TMEM132B: variants seen among roughly 807,000 people sequenced by gnomAD.
TMEM132B encodes transmembrane protein 132B.
TMEM132B carries 18 observed loss-of-function variants against 90.8 expected under a neutral mutation model. The ratio of observed to expected loss-of-function variants is 0.20; its 90% CI spans 0.14 to 0.29. The LOEUF (loss-of-function observed/expected upper bound fraction) is 0.29. Ranked by LOEUF, TMEM132B falls within the 10% of genes least tolerant of loss-of-function variation. The probability of loss-of-function intolerance (pLI) is 1.00; values close to 1 mark genes in which losing one functional copy is unlikely to be tolerated. For synonymous variants in TMEM132B, 504 were observed against 523.3 expected (o/e 0.96, Z 0.50); for missense variants, 1,096 against 1,326.8 (o/e 0.83, Z 2.70).
chr12:125,226,449 A>G (rs1034738337), intron 1 of TMEM132B, among the ~76,000 whole-genome samples: 15 of 152,228 alleles, frequency 9.9e-5, no homozygotes, highest in African/African-American at 2.9e-4. Context: ...TCACACAGCA[A>G]TCCTTCTGAG....
intron 1 of TMEM132B, among the ~76,000 whole-genome samples, chr12:125,296,300 C>T (rs992956070): frequency 3.3e-5 from 5 of 152,230 alleles, no homozygotes; most frequent in Admixed American, 1.3e-4. Flanking sequence ...CTCCCACCTC[C>T]GGGCTTTTGT....
intron 4 of TMEM132B, among the ~76,000 whole-genome samples, chr12:125,546,096 C>T (rs1340943636): frequency 2.0e-5 from 3 of 152,122 alleles, no homozygotes; most frequent in Admixed American, 2.0e-4. Flanking sequence ...ATACCCATCA[C>T]CTCCCAAGTT....
chr12:125,558,915 A>G (rs1416069551), intron 4 of TMEM132B, among the ~76,000 whole-genome samples: 2 of 152,230 alleles, frequency 1.3e-5, no homozygotes, highest in African/African-American at 4.8e-5. Flanking sequence ...GATGACAAAT[A>G]TATTAGTAGG....
intron 3 of TMEM132B, among the ~76,000 whole-genome samples, chr12:125,462,555 G>A (rs1444835641): frequency 6.6e-6 from 1 of 152,140 alleles, no homozygotes; most frequent in Non-Finnish European, 1.5e-5. Flanking sequence ...GCAAGTCAAA[G>A]GTTGCTTTTC....
rs12826883 is a variant in TMEM132B at position 125,563,602 on chromosome 12, A to C, written c.1294-20249A>C. The stretch of plus-strand genomic sequence containing the variant: ...ACAAACAAACAAACAAACAAACAAA[A>C]AAAAACCCCACAGTATCTGTGAGGT... On this transcript the variant is annotated intron_variant, in intron 4 of 8. Coordinates refer to ENST00000682704, the MANE Select transcript of TMEM132B (RefSeq NM_001366854.1). 1.0e-3 allele frequency among the ~76,000 whole-genome samples: 79 copies of C among 78,436 alleles called. 1 individual carries two copies. Among genetic ancestry groups the C allele is most frequent in the African/African-American group, 3.0e-3 (61 of 20,126 alleles). 51.5% of individuals were successfully genotyped at this position (78,436 alleles called of 152,430 possible).
chr12:125,375,665 G>A (rs1878454966), intron 2 of TMEM132B, among the ~76,000 whole-genome samples: 1 of 152,220 alleles, frequency 6.6e-6, no homozygotes, highest in African/African-American at 2.4e-5. Context: ...ATCACACTCT[G>A]TCACACCCAG....
At chr12:125,411,580 G>A (rs1256371573) in intron 2 of TMEM132B, among the ~76,000 whole-genome samples, 1 of 152,130 alleles carries the variant, frequency 6.6e-6, no homozygotes, top group Non-Finnish European at 1.5e-5. Flanking sequence ...TCTAGGGTAC[G>A]TGTGAGGGGT....
At chr12:125,393,855 G>A (rs1879097060) in intron 2 of TMEM132B, among the ~76,000 whole-genome samples, 1 of 152,212 alleles carries the variant, frequency 6.6e-6, no homozygotes, top group Admixed American at 6.5e-5. Flanking sequence ...GGAAGAAGCT[G>A]GGGATAGGAA....
intron 5 of TMEM132B, among the ~76,000 whole-genome samples, chr12:125,638,583 A>T (rs1007436807): frequency 2.6e-5 from 4 of 152,034 alleles, no homozygotes; most frequent in African/African-American, 9.7e-5. Context: ...TGTGAGAAAC[A>T]TACTACCTGA....
At chr12:125,312,150 G>A (rs73233363) in intron 1 of TMEM132B, among the ~76,000 whole-genome samples, 12,827 of 152,234 alleles carry the variant, frequency 0.084, 598 homozygotes, top group Non-Finnish European at 0.1. Context: ...AAGAGAAGCT[G>A]GAAATTCAGC....
At chr12:125,589,458 G>T (rs1197193630) in intron 5 of TMEM132B, among the ~76,000 whole-genome samples, 1 of 137,110 alleles carries the variant, frequency 7.3e-6, no homozygotes, top group African/African-American at 2.8e-5. Flanking sequence ...CCCCAGCCCG[G>T]GTGACAGAGC....
At chr12:125,424,560 G>C (rs1880260234) in intron 3 of TMEM132B, among the ~76,000 whole-genome samples, 1 of 152,166 alleles carries the variant, frequency 6.6e-6, no homozygotes, top group Admixed American at 6.5e-5. Flanking sequence ...TTTTAGGTTT[G>C]TGCGTTGTCA....
chr12:125,374,208 T>A (rs1878399558), intron 2 of TMEM132B, among the ~76,000 whole-genome samples: 1 of 152,228 alleles, frequency 6.6e-6, no homozygotes, highest in South Asian at 2.1e-4. Context: ...TCTTTAGGGA[T>A]GTTCCTTTGG....
chr12:125,342,480 G>A (rs892974495), intron 1 of TMEM132B, among the ~76,000 whole-genome samples: 1 of 152,216 alleles, frequency 6.6e-6, no homozygotes, highest in Admixed American at 6.5e-5. Flanking sequence ...TGTGATGCTA[G>A]GGGTGGGTCT....
At position 125,398,151 on chromosome 12, in the gene TMEM132B, A is replaced by G. The variant is rs538571795; in HGVS notation, c.960-17380A>G. Reference sequence around the variant, plus strand: ...CTAGAGTGTTCTCCATGGGAGAACTATTGGCATTGGATGTGGGATGAGACT... The same window carrying G: ...CTAGAGTGTTCTCCATGGGAGAACTGTTGGCATTGGATGTGGGATGAGACT... On this transcript the variant is annotated intron_variant, in intron 2 of 8. Coordinates refer to ENST00000682704, the MANE Select transcript of TMEM132B (RefSeq NM_001366854.1). Among the ~76,000 whole-genome samples, 160 of 152,242 alleles carry G rather than the reference A, an allele frequency of 1.1e-3. No homozygotes were observed. The Middle Eastern group carries it at 0.031, about 29-fold the overall frequency.
At chr12:125,483,704 A>T (rs560676054) in intron 3 of TMEM132B, among the ~76,000 whole-genome samples, 1 of 152,218 alleles carries the variant, frequency 6.6e-6, no homozygotes, top group African/African-American at 2.4e-5. Context: ...ATGAATGGGT[A>T]TCAGGAAGGA....
At chr12:125,429,708 G>A (rs1488845307) in intron 3 of TMEM132B, among the ~76,000 whole-genome samples, 1 of 152,040 alleles carries the variant, frequency 6.6e-6, no homozygotes, top group Non-Finnish European at 1.5e-5. Flanking sequence ...CTAAACTGAG[G>A]TTATAGGTTT....
intron 5 of TMEM132B, among the ~76,000 whole-genome samples, chr12:125,643,125 A>G (rs1192085785): frequency 6.6e-6 from 1 of 152,138 alleles, no homozygotes; most frequent in Admixed American, 6.5e-5. Context: ...TACAGATTCA[A>G]GTGAGGAAGA....
chr12:125,523,856 CG>C (rs899490958), intron 4 of TMEM132B, among the ~76,000 whole-genome samples: 1 of 152,214 alleles, frequency 6.6e-6, no homozygotes, highest in Non-Finnish European at 1.5e-5. Flanking sequence ...CTCTCCTCAT[CG>C]GGGATGCACT....
Sources: allele counts gnomAD v4.1 joint callset (sites outside exome capture counted in the v4.1 genomes callset), GRCh38; gene constraint gnomAD v4.1.1; transcripts MANE v1.5; gene names NCBI Gene and HGNC (gene_info 2026-07-23, HGNC 2026-07-21).